The following FBXO15 variants were observed in gnomAD, a reference collection of about 807,000 sequenced individuals.
The protein encoded by FBXO15 is F-box protein 15, also known as F-box only protein 15.
In FBXO15, 30 loss-of-function variants were observed where a neutral mutation model predicts 49.5. The ratio of observed to expected loss-of-function variants is 0.61; its 90% confidence interval spans 0.45 to 0.82. The LOEUF is 0.82. Among genes scored for constraint, FBXO15 ranks in the 40% least tolerant of loss-of-function variants. The pLI is 0.00. For missense variants in FBXO15, 591 were observed against 631.5 expected (o/e 0.94, Z 0.69); for synonymous variants, 250 against 232.7 (o/e 1.07, Z -0.68).
intron 8 of FBXO15, among the ~76,000 whole-genome samples, chr18:74,101,756 A>G (rs1883290727): frequency 6.6e-6 from 1 of 152,206 alleles, no homozygotes; most frequent in Admixed American, 6.5e-5. Context: ...TGGTACTGGT[A>G]TAAAAATAGG....
At chr18:74,134,569 C>T (rs1296431736) in intron 3 of FBXO15, among the ~76,000 whole-genome samples, 2 of 151,822 alleles carry the variant, frequency 1.3e-5, no homozygotes, top group African/African-American at 4.8e-5. Flanking sequence ...GGGGTTTCAC[C>T]GTGTTAGCCA....
intron 1 of FBXO15, chr18:74,147,442 G>A: frequency 1.7e-6 from 2 of 1,170,312 alleles, no homozygotes; most frequent in East Asian, 3.6e-5. Flanking sequence ...GGCGCCGCAA[G>A]AAAAAATATT....
Position 74,079,248 on chromosome 18 carries a change from G to A in FBXO15, c.1263+2679C>T, listed in dbSNP as rs1310035623. ...TTCTGATAGGCGCTGGGAGGAGACA[G>A]AGCAGGAGAGTATTTCACTTTGATT... On this transcript the variant is annotated intron_variant, in intron 9 of 9. Coordinates refer to ENST00000419743, the MANE Select transcript of FBXO15 (RefSeq NM_001142958.2). Among the ~76,000 whole-genome samples the A allele has an allele frequency of 2.6e-5, 4 of 152,200 alleles. No individual in the cohort carries two copies. In the East Asian group the frequency reaches 7.7e-4, roughly 29 times the overall value.
At position 74,129,479 on chromosome 18, in the gene FBXO15, T is replaced by C. The variant is rs111726894; in HGVS notation, c.711A>G (p.Ala237=). 2.5e-6 allele frequency: 4 copies of C among 1,613,932 alleles called. No individual in the cohort carries two copies. The African/African-American group carries it at 4.0e-5, about 16-fold the overall frequency. Residue 237 remains alanine (A), a synonymous_variant, in exon 5 of 10, where the codon GCA becomes GCG. Transcript: ENST00000419743. ...CACATAAATCTAAGGTTGACAATGATGCTAGGCATGGCCATTTTTTGCCAT... is the reference window on the plus strand; with the variant it reads ...CACATAAATCTAAGGTTGACAATGACGCTAGGCATGGCCATTTTTTGCCAT... ...IWYGKKWPCL[A]SLSTLDLCGM... is the part of the protein sequence containing the mutation.
At chr18:74,144,400 G>C (rs1354548041) in intron 1 of FBXO15, among the ~76,000 whole-genome samples, 1 of 151,890 alleles carries the variant, frequency 6.6e-6, no homozygotes. Flanking sequence ...ATAAGTTGGG[G>C]GGTGGGGGTG....
At chr18:74,079,782 C>A (rs1387700546) in intron 9 of FBXO15, among the ~76,000 whole-genome samples, 1 of 152,194 alleles carries the variant, frequency 6.6e-6, no homozygotes, top group Non-Finnish European at 1.5e-5. Flanking sequence ...TCACTCAACT[C>A]TGAGGTTGGA....
chr18:74,108,655 G>A (rs1913878468), intron 8 of FBXO15, among the ~76,000 whole-genome samples: 2 of 152,092 alleles, frequency 1.3e-5, no homozygotes, highest in African/African-American at 4.8e-5. Context: ...AGTAATGACT[G>A]AAGATGTCCC....
intron 8 of FBXO15, among the ~76,000 whole-genome samples, chr18:74,103,662 T>A (rs1913621407): frequency 6.6e-6 from 1 of 152,074 alleles, no homozygotes; most frequent in African/African-American, 2.4e-5. Flanking sequence ...CACAAATTCA[T>A]CTGGCAATAG....
At chr18:74,123,193 C>G in intron 8 of FBXO15, 175 bp downstream of exon 8, 1 of 616,040 alleles carries the variant, frequency 1.6e-6, no homozygotes, top group African/African-American at 1.9e-5. Flanking sequence ...TCTGAAGAGA[C>G]TCGGTCCAGT....
intron 8 of FBXO15, among the ~76,000 whole-genome samples, chr18:74,112,576 A>G (rs1914075040): frequency 6.6e-6 from 1 of 152,240 alleles, no homozygotes; most frequent in Non-Finnish European, 1.5e-5. Context: ...GAGAAACTCG[A>G]AACTTTCTCA....
At chr18:74,125,091 C>T (rs1051521679) in intron 6 of FBXO15, among the ~76,000 whole-genome samples, 1 of 152,146 alleles carries the variant, frequency 6.6e-6, no homozygotes, top group African/African-American at 2.4e-5. Context: ...CCATTTCTCC[C>T]CAGATTCACA....
intron 8 of FBXO15, among the ~76,000 whole-genome samples, chr18:74,114,970 A>G (rs1048078969): frequency 1.3e-5 from 2 of 152,196 alleles, no homozygotes; most frequent in Non-Finnish European, 2.9e-5. Context: ...TAGTGCTGAG[A>G]GGTCAAAAAG....
chr18:74,118,181 T>C (rs1315501657), intron 8 of FBXO15, among the ~76,000 whole-genome samples: 2 of 151,916 alleles, frequency 1.3e-5, no homozygotes, highest in Non-Finnish European at 2.9e-5. Flanking sequence ...TATTTTTTTG[T>C]AGAGGCCGGG....
At chr18:74,123,110 T>C in intron 8 of FBXO15, 1 of 366,242 alleles carries the variant, frequency 2.7e-6, no homozygotes, top group Non-Finnish European at 4.9e-6. Flanking sequence ...GAAGCATCAG[T>C]AGAGAAGATG....
At chr18:74,139,365 A>C (rs1978922412) in intron 2 of FBXO15, among the ~76,000 whole-genome samples, 1 of 152,206 alleles carries the variant, frequency 6.6e-6, no homozygotes, top group African/African-American at 2.4e-5. Flanking sequence ...GGACTAACCA[A>C]AGGAATATTT....
chr18:74,122,413 G>C (rs1914513690), intron 8 of FBXO15, among the ~76,000 whole-genome samples: 1 of 152,300 alleles, frequency 6.6e-6, no homozygotes, highest in Admixed American at 6.5e-5. Context: ...CATTTGCTCT[G>C]CCTTTATAGA....
At chr18:74,120,126 A>T (rs986570399) in intron 8 of FBXO15, among the ~76,000 whole-genome samples, 4 of 152,216 alleles carry the variant, frequency 2.6e-5, no homozygotes, top group Non-Finnish European at 5.9e-5. Flanking sequence ...TCAACAATGT[A>T]CACAGTGTGT....
intron 8 of FBXO15, among the ~76,000 whole-genome samples, chr18:74,110,357 A>T (rs984697472): frequency 3.3e-5 from 5 of 151,768 alleles, no homozygotes; most frequent in African/African-American, 1.2e-4. Flanking sequence ...TGTGGTAAAT[A>T]TGGTAAATTG....
intron 3 of FBXO15, among the ~76,000 whole-genome samples, chr18:74,132,526 A>T (rs1978457709): frequency 6.6e-6 from 1 of 152,228 alleles, no homozygotes. Context: ...CACATACATG[A>T]TCATATATTA....
Sources: gnomAD v4.1 joint callset for allele counts (sites outside exome capture counted in the v4.1 genomes callset) on GRCh38, gnomAD v4.1.1 for gene constraint, MANE v1.5 for transcripts, NCBI Gene and HGNC (gene_info 2026-07-23, HGNC 2026-07-21) for gene names.